The following TIPARP variants were observed in gnomAD, a reference collection of about 807,000 sequenced individuals.
The protein encoded by TIPARP is protein mono-ADP-ribosyltransferase TIPARP.
TIPARP carries 12 observed loss-of-function variants against 56.5 expected under a neutral mutation model. The ratio of observed to expected loss-of-function variants is 0.21; its 90% CI spans 0.14 to 0.34. The LOEUF (loss-of-function observed/expected upper bound fraction) is 0.34, where lower values mean the gene tolerates loss of function less well. Ranked by LOEUF, TIPARP falls within the 10% of genes least tolerant of loss-of-function variation. TIPARP has a pLI of 1.00. For synonymous variants in TIPARP, 296 were observed against 265.7 expected (o/e 1.11, Z -1.11); for missense variants, 604 against 781.6 (o/e 0.77, Z 2.71).
At chr3:156,698,005 A>G (rs920736571) in intron 4 of TIPARP, among the ~76,000 whole-genome samples, 1 of 152,250 alleles carries the variant, frequency 6.6e-6, no homozygotes, top group Non-Finnish European at 1.5e-5. Flanking sequence ...CACACGAATT[A>G]TAAGAAAGTA....
chr3:156,689,305 A>G (rs1577037637), intron 2 of TIPARP, among the ~76,000 whole-genome samples: 1 of 152,184 alleles, frequency 6.6e-6, no homozygotes, highest in East Asian at 1.9e-4. Flanking sequence ...CCCCACGTGT[A>G]ATTATCCTTC....
intron 2 of TIPARP, among the ~76,000 whole-genome samples, chr3:156,688,794 A>G (rs1722497710): frequency 6.6e-6 from 1 of 152,134 alleles, no homozygotes; most frequent in East Asian, 1.9e-4. Flanking sequence ...CGCCAGTGAA[A>G]TTTCTTTAGC....
At chr3:156,684,156 CTG>C (rs1326789604) in intron 2 of TIPARP, among the ~76,000 whole-genome samples, 5 of 152,278 alleles carry the variant, frequency 3.3e-5, no homozygotes, top group South Asian at 4.1e-4. Context: ...AAATTGGACA[CTG>C]TAAAAGTTTT....
intron 2 of TIPARP, among the ~76,000 whole-genome samples, chr3:156,686,462 A>T (rs1243251706): frequency 1.3e-5 from 2 of 152,214 alleles, no homozygotes; most frequent in African/African-American, 2.4e-5. Context: ...TATCAGAGTG[A>T]TGAATTCTCT....
At chr3:156,685,984 C>T (rs917485880) in intron 2 of TIPARP, among the ~76,000 whole-genome samples, 2 of 152,182 alleles carry the variant, frequency 1.3e-5, no homozygotes, top group Non-Finnish European at 2.9e-5. Flanking sequence ...TGAGTGTCAC[C>T]TGGCTTAGCT....
intron 2 of TIPARP, among the ~76,000 whole-genome samples, chr3:156,685,923 A>G (rs1258013683): frequency 2.0e-5 from 3 of 152,168 alleles, no homozygotes; most frequent in Non-Finnish European, 4.4e-5. Flanking sequence ...GAGAGGGCAA[A>G]TGGCACAAAA....
At chr3:156,698,439 G>A (rs1009375797) in intron 4 of TIPARP, among the ~76,000 whole-genome samples, 3 of 152,140 alleles carry the variant, frequency 2.0e-5, no homozygotes, top group Non-Finnish European at 4.4e-5. Context: ...TCTTGTCAAG[G>A]GCTAATGCAA....
intron 3 of TIPARP, 86 bp downstream of exon 3, chr3:156,694,274 G>T: frequency 7.9e-7 from 1 of 1,273,198 alleles, no homozygotes; most frequent in South Asian, 1.6e-5. Flanking sequence ...TTACAACAAT[G>T]ACTAGGCAGA....
rs570757501 is a variant in TIPARP at position 156,685,376 on chromosome 3, C to T, written c.917+6762C>T. Among the ~76,000 whole-genome samples the T allele has an allele frequency of 2.6e-5, 4 of 152,302 alleles. No individual in the cohort carries two copies. The South Asian group carries it at 8.3e-4, about 32-fold the overall frequency. The stretch of plus-strand genomic sequence containing the variant: ...ATCACAATGAAAGGATAAGTTCTTA[C>T]AAGAGTGAGAATGCTAGAGCAACTA... On this transcript the variant is annotated intron_variant, in intron 2 of 5. Transcript: ENST00000295924.
At chr3:156,678,749 C>G (rs1722216210) in intron 2 of TIPARP, 135 bp downstream of exon 2, 1 of 736,522 alleles carries the variant, frequency 1.4e-6, no homozygotes, top group Non-Finnish European at 2.1e-6. Flanking sequence ...TTTGACTGTG[C>G]TGTCCTGATT....
chr3:156,699,791 G>A (rs1169423305), intron 4 of TIPARP, among the ~76,000 whole-genome samples: 1 of 151,684 alleles, frequency 6.6e-6, no homozygotes, highest in East Asian at 1.9e-4. Context: ...TAATCTTTCT[G>A]TCTAAAACTG....
chr3:156,681,151 C>G, intron 2 of TIPARP: 1 of 456,594 alleles, frequency 2.2e-6, no homozygotes, highest in Non-Finnish European at 4.4e-6. Context: ...GCATGTTGAG[C>G]CTTGCTGAGA....
intron 4 of TIPARP, among the ~76,000 whole-genome samples, chr3:156,699,777 A>G (rs186482029): frequency 6.6e-6 from 1 of 152,320 alleles, no homozygotes; most frequent in East Asian, 1.9e-4. Context: ...AAAATTTTCT[A>G]TTTTAATCTT....
chr3:156,693,409 A>G (rs1722627767), intron 2 of TIPARP, among the ~76,000 whole-genome samples: 1 of 152,202 alleles, frequency 6.6e-6, no homozygotes, highest in Admixed American at 6.6e-5. Flanking sequence ...AAATATTCTC[A>G]AAGCTAAACC....
chr3:156,689,056 C>T (rs1482383566), intron 2 of TIPARP, among the ~76,000 whole-genome samples: 2 of 152,182 alleles, frequency 1.3e-5, no homozygotes, highest in Non-Finnish European at 2.9e-5. Context: ...TTAGCTCTTA[C>T]AGGCAGGAAG....
rs532475455 is a variant in TIPARP, at chr3:156,700,581, G to C, written c.1248-2843G>C. ...AAAAGGTTTCTCCTGCTTTTTAATG[G>C]GGCTGATCTTAGAATACTTGAACTG... On this transcript the variant is annotated intron_variant, in intron 4 of 5. Coordinates refer to ENST00000295924, the MANE Select transcript of TIPARP (RefSeq NM_015508.5). 7.9e-5 allele frequency among the ~76,000 whole-genome samples: 12 copies of C among 152,198 alleles called. No individual in the cohort carries two copies. In the South Asian group the frequency reaches 2.5e-3, roughly 32 times the overall value.
intron 2 of TIPARP, among the ~76,000 whole-genome samples, chr3:156,684,615 A>G (rs1487438601): frequency 6.6e-6 from 1 of 152,156 alleles, no homozygotes; most frequent in Non-Finnish European, 1.5e-5. Flanking sequence ...GTATTTTAGT[A>G]GAGACAGGGT....
At chr3:156,679,295 G>A (rs182897861) in intron 2 of TIPARP, among the ~76,000 whole-genome samples, 119 of 152,136 alleles carry the variant, frequency 7.8e-4, no homozygotes, top group Admixed American at 1.4e-3. Context: ...TTATCCTTGA[G>A]TTTTGGTACA....
intron 4 of TIPARP, among the ~76,000 whole-genome samples, chr3:156,700,454 TA>T (rs1722820528): frequency 1.3e-5 from 2 of 152,196 alleles, no homozygotes; most frequent in Admixed American, 1.3e-4. Context: ...AAATAGGTGT[TA>T]AAGAGGCCAC....
Sources: gnomAD v4.1 joint callset for allele counts (sites outside exome capture counted in the v4.1 genomes callset) on GRCh38, gnomAD v4.1.1 for gene constraint, MANE v1.5 for transcripts, NCBI Gene and HGNC (gene_info 2026-07-23, HGNC 2026-07-21) for gene names.